The following OVCH1 variants were observed in gnomAD, a reference collection of about 807,000 sequenced individuals.
OVCH1 encodes ovochymase 1, also known as ovochymase-1.
A neutral mutation model predicts 138.4 loss-of-function variants in OVCH1; 139 were observed. The ratio of observed to expected loss-of-function variants is 1.00; its 90% CI spans 0.87 to 1.16. The LOEUF is 1.16. Among genes scored for constraint, OVCH1 ranks in the 50% most tolerant of loss-of-function variants. The probability of loss-of-function intolerance (pLI) is 0.00; values close to 1 mark genes in which losing one functional copy is unlikely to be tolerated. For synonymous variants in OVCH1, 453 were observed against 467.8 expected (o/e 0.97, Z 0.41); for missense variants, 1,367 against 1,357.9 (o/e 1.01, Z -0.11).
intron 27 of OVCH1, among the ~76,000 whole-genome samples, chr12:29,430,326 A>C (rs1050830615): frequency 1.3e-5 from 2 of 152,208 alleles, no homozygotes; most frequent in Non-Finnish European, 2.9e-5. Flanking sequence ...AGAGAGCACC[A>C]GCTGTGGTCG....
intron 8 of OVCH1, among the ~76,000 whole-genome samples, 67 bp from the exon 9 acceptor site, chr12:29,484,867 A>T (rs1943044369): frequency 6.6e-6 from 1 of 152,168 alleles, no homozygotes; most frequent in Admixed American, 6.5e-5. Context: ...AATGATACAG[A>T]GGCCAGTCTG....
chr12:29,430,025 C>T (rs541409750), intron 27 of OVCH1, among the ~76,000 whole-genome samples: 146 of 152,150 alleles, frequency 9.6e-4, no homozygotes, highest in Non-Finnish European at 1.6e-3. Flanking sequence ...AGTCACACCA[C>T]GTCTACATTT....
intron 14 of OVCH1, among the ~76,000 whole-genome samples, chr12:29,474,411 G>A (rs1190237289): frequency 6.6e-6 from 1 of 152,124 alleles, no homozygotes; most frequent in Non-Finnish European, 1.5e-5. Flanking sequence ...TAACTCCTAT[G>A]TATGTAAGGA....
intron 3 of OVCH1, among the ~76,000 whole-genome samples, chr12:29,415,670 G>A (rs1403794216): frequency 2.6e-5 from 4 of 152,156 alleles, no homozygotes; most frequent in Admixed American, 6.5e-5. Context: ...ATCTAAATAA[G>A]TGGAGAGACA....
downstream of OVCH1, among the ~76,000 whole-genome samples, chr12:29,409,827 C>T (rs907817395): frequency 3.3e-5 from 5 of 152,166 alleles, 1 homozygote; most frequent in African/African-American, 1.2e-4. Context: ...ATGAGGTCTG[C>T]TTGGTGCAGA....
At chr12:29,423,816 T>TCTCTACATCGTCCTTATC (rs1486236107), downstream of OVCH1, among the ~76,000 whole-genome samples, 2 of 152,178 alleles carry the variant, frequency 1.3e-5, no homozygotes, top group African/African-American at 4.8e-5. Context: ...GAGTAGTTAA[T>TCTCTACATCGTCCTTATC]CTCTACATCG....
At chr12:29,471,564 T>C (rs1942508264) in intron 16 of OVCH1, among the ~76,000 whole-genome samples, 1 of 152,170 alleles carries the variant, frequency 6.6e-6, no homozygotes, top group Admixed American at 6.5e-5. Context: ...ATTTCTGCAA[T>C]TGGGAAGCAA....
chr12:29,412,151 C>A (rs923111933), downstream of OVCH1, among the ~76,000 whole-genome samples: 1 of 152,114 alleles, frequency 6.6e-6, no homozygotes, highest in Non-Finnish European at 1.5e-5. Context: ...TTTTTTAAGC[C>A]CGTTGGAAAA....
downstream of OVCH1, among the ~76,000 whole-genome samples, chr12:29,424,380 A>T (rs912785222): frequency 6.6e-6 from 1 of 152,236 alleles, no homozygotes; most frequent in African/African-American, 2.4e-5. Flanking sequence ...CATGGGCATC[A>T]TGGCCATCAT....
chr12:29,496,656 C>G (rs201067443), exon 2 of OVCH1: 1 of 1,612,126 alleles, frequency 6.2e-7, no homozygotes, highest in African/African-American at 1.3e-5. Context: ...GTTGACCATG[C>G]GAATTCCACA....
At chr12:29,451,307 G>A (rs1941787551) in intron 22 of OVCH1, 38 bp downstream of exon 22, 1 of 1,538,226 alleles carries the variant, frequency 6.5e-7, no homozygotes, top group African/African-American at 1.4e-5. Context: ...CATGGACCAA[G>A]ACTCCTAGCA....
intron 13 of OVCH1, among the ~76,000 whole-genome samples, chr12:29,475,589 C>G (rs1450580223): frequency 6.6e-6 from 1 of 152,152 alleles, no homozygotes; most frequent in Non-Finnish European, 1.5e-5. Context: ...TATACATGCA[C>G]TGTTATGCAG....
rs1307989968 is a variant in OVCH1, at chr12:29,489,789, A to G, written c.551-18T>C. The stretch of plus-strand genomic sequence containing the variant: ...TTCTGATGCTGTAGAGAGAGGACAG[A>G]TAAGTTAGCACACAATATCCTCATG... On this transcript the variant is annotated intron_variant, in intron 5 of 27. Transcript: ENST00000318184. 4.4e-6 allele frequency: 7 copies of G among 1,603,014 alleles called. No homozygotes were observed. Among genetic ancestry groups the G allele is most frequent in the Non-Finnish European group, 6.0e-6 (7 of 1,174,082 alleles).
chr12:29,447,525 GGTGTTGACCT>G (rs1427750866), intron 22 of OVCH1, among the ~76,000 whole-genome samples: 2 of 152,084 alleles, frequency 1.3e-5, no homozygotes, highest in African/African-American at 4.8e-5. Flanking sequence ...CGAGTCCCTA[GGTGTTGACCT>G]CATTTGGAAG....
chr12:29,476,979 A>G, intron 12 of OVCH1, 123 bp downstream of exon 12: 1 of 1,189,822 alleles, frequency 8.4e-7, no homozygotes, highest in Non-Finnish European at 1.1e-6. Context: ...GTAAAAAAAA[A>G]TGGCAAATGG....
the OVCH1 span, among the ~76,000 whole-genome samples, chr12:29,402,970 C>A: frequency 0.31 from 46,788 of 151,798 alleles, 8,462 homozygotes; most frequent in Middle Eastern, 0.52. Context: ...GTTCATTAGA[C>A]AAAGATTATT....
downstream of OVCH1, chr12:29,426,050 T>G (rs919182440): frequency 6.6e-6 from 1 of 152,222 alleles, no homozygotes; most frequent in African/African-American, 2.4e-5. Context: ...CTTGTGAGAC[T>G]CAGCTAGTAC....
chr12:29,434,727 C>G (rs1252219899), intron 26 of OVCH1, among the ~76,000 whole-genome samples: 1 of 151,750 alleles, frequency 6.6e-6, no homozygotes, highest in African/African-American at 2.4e-5. Flanking sequence ...AAAAAAAAAC[C>G]TTACTATTCA....
At chr12:29,465,196 G>T in exon 17 of OVCH1, 1 of 1,603,194 alleles carries the variant, frequency 6.2e-7, no homozygotes. Flanking sequence ...AGCAATAATA[G>T]TCCAGGAGAG....
Sources: gnomAD v4.1 joint callset for allele counts (sites outside exome capture counted in the v4.1 genomes callset) on GRCh38, gnomAD v4.1.1 for gene constraint, MANE v1.5 for transcripts, NCBI Gene and HGNC (gene_info 2026-07-23, HGNC 2026-07-21) for gene names.